EFHC1: variants seen among roughly 807,000 people sequenced by gnomAD.
The protein encoded by EFHC1 is EF-hand domain-containing protein 1.
EFHC1 carries 53 observed loss-of-function variants against 69.9 expected under a neutral mutation model. The ratio of observed to expected loss-of-function variants is 0.76; its 90% CI spans 0.61 to 0.95. EFHC1 has a LOEUF of 0.95. Ranked by LOEUF, EFHC1 falls within the 40% of genes least tolerant of loss-of-function variation. EFHC1 has a pLI of 0.00. For synonymous variants in EFHC1, 256 were observed against 278.4 expected (o/e 0.92, Z 0.80); for missense variants, 739 against 798.7 (o/e 0.93, Z 0.90).
chr6:52,453,447 A>T, intron 4 of EFHC1: 3 of 1,287,148 alleles, frequency 2.3e-6, no homozygotes, highest in Non-Finnish European at 3.0e-6. Context: ...GGAAGAGATC[A>T]CCCTCAGTGC....
At chr6:52,489,015 C>A (rs936046218) in intron 9 of EFHC1, 1 of 152,152 alleles carries the variant, frequency 6.6e-6, no homozygotes, top group African/African-American at 2.4e-5. Context: ...AGATTATTTG[C>A]TGGACTTTTG....
intron 9 of EFHC1, 96 bp downstream of exon 9, chr6:52,479,883 T>G (rs1765637902): frequency 2.6e-6 from 4 of 1,550,532 alleles, no homozygotes; most frequent in Non-Finnish European, 3.5e-6. Context: ...ATTTTCTGAT[T>G]TCTCTCACCA....
At position 52,454,171 on chromosome 6, in the gene EFHC1, A is replaced by G. The variant is rs886061629; in HGVS notation, c.800A>G (p.Tyr267Cys). The change falls in exon 5 of 11, where the codon TAT (tyrosine) becomes TGT (cysteine). Residue 267 changes from tyrosine (Y) to cysteine (C), a missense_variant. By Grantham distance (194) the Tyr-to-Cys change is radical (BLOSUM62 -2). Coordinates refer to ENST00000371068, the MANE Select transcript of EFHC1 (RefSeq NM_018100.4). ...GECRTYIIHY[Y>C]LMDDTVEIRE... ...TGTCGGACCTACATCATTCATTACT[A>G]TCTTATGGATGATACGGTGGAAATT... 1.9e-6 allele frequency: 3 copies of G among 1,614,080 alleles called. No homozygotes were observed. The highest frequency in any genetic ancestry group is 1.1e-5 in the South Asian group (1 of 91,080).
rs1765928670 is a variant in EFHC1 at position 52,492,503 on chromosome 6, G to A, written c.*162G>A. ...AGTCGAAACTAAATTGGATCTAATAGGATCTAAGATTGGTGCCTTATTTAG... is the reference window on the plus strand; with the variant it reads ...AGTCGAAACTAAATTGGATCTAATAAGATCTAAGATTGGTGCCTTATTTAG... On this transcript the variant is annotated 3_prime_UTR_variant, in exon 11 of 11. Coordinates refer to ENST00000371068, the MANE Select transcript of EFHC1 (RefSeq NM_018100.4). 3 of 749,342 alleles carry A rather than the reference G, an allele frequency of 4.0e-6. No individual in the cohort carries two copies. The African/African-American group carries it at 5.2e-5, about 13-fold the overall frequency. The allele number at this position is 749,342 out of a possible 1,614,324, so 46.4% of individuals were successfully genotyped here.
chr6:52,435,405 C>A (rs1764509356), intron 2 of EFHC1, among the ~76,000 whole-genome samples: 1 of 152,120 alleles, frequency 6.6e-6, no homozygotes, highest in African/African-American at 2.4e-5. Context: ...GTATAAATTA[C>A]CCCCTGCAGT....
chr6:52,424,227 A>C, intron 2 of EFHC1, 60 bp downstream of exon 2: 3 of 1,503,548 alleles, frequency 2.0e-6, no homozygotes, highest in Middle Eastern at 2.2e-4. Flanking sequence ...ACTGCTTGCA[A>C]AAAAGTTAAA....
intron 3 of EFHC1, among the ~76,000 whole-genome samples, chr6:52,443,413 G>A (rs1251615017): frequency 2.0e-5 from 3 of 152,102 alleles, no homozygotes; most frequent in Admixed American, 6.6e-5. Context: ...GGGTGTTTAT[G>A]GTTTTAGGTC....
chr6:52,445,247 A>G (rs905090357), intron 3 of EFHC1, among the ~76,000 whole-genome samples: 2 of 151,180 alleles, frequency 1.3e-5, no homozygotes, highest in Non-Finnish European at 2.9e-5. Context: ...TCAAAAAACC[A>G]GCTCCTGGAT....
chr6:52,483,458 C>A (rs1411700867), intron 9 of EFHC1: 1 of 152,238 alleles, frequency 6.6e-6, no homozygotes, highest in Non-Finnish European at 1.5e-5. Flanking sequence ...TGTACAGCAG[C>A]AGCTGAGGTT....
intron 3 of EFHC1, among the ~76,000 whole-genome samples, chr6:52,442,795 C>T (rs2113983446): frequency 6.6e-6 from 1 of 152,216 alleles, no homozygotes; most frequent in South Asian, 2.1e-4. Flanking sequence ...ATTTATAATC[C>T]TTTGGGTATA....
chr6:52,430,233 C>T (rs1468598737), intron 2 of EFHC1: 1 of 152,140 alleles, frequency 6.6e-6, no homozygotes, highest in Non-Finnish European at 1.5e-5. Context: ...CCTAGGACTT[C>T]TTCTAGTACT....
intron 3 of EFHC1, among the ~76,000 whole-genome samples, chr6:52,450,744 T>C (rs967592223): frequency 6.6e-6 from 1 of 152,116 alleles, no homozygotes; most frequent in Non-Finnish European, 1.5e-5. Context: ...CATTGGGTCT[T>C]CCTTTTTTAT....
chr6:52,454,796 A>T (rs1268314768), intron 5 of EFHC1, among the ~76,000 whole-genome samples: 1 of 152,138 alleles, frequency 6.6e-6, no homozygotes, highest in African/African-American at 2.4e-5. Flanking sequence ...ACTGGTTTAA[A>T]ATTACCTAGC....
intron 9 of EFHC1, chr6:52,485,900 A>T (rs1291172171): frequency 6.6e-6 from 1 of 152,192 alleles, no homozygotes; most frequent in Non-Finnish European, 1.5e-5. Flanking sequence ...GGACTACGAC[A>T]TGGGGTAAGA....
intron 1 of EFHC1, chr6:52,420,937 T>C: frequency 1.1e-6 from 1 of 941,418 alleles, no homozygotes; most frequent in Non-Finnish European, 1.3e-6. Flanking sequence ...ACCTTCAACC[T>C]CATTCCCACA....
At position 52,452,807 on chromosome 6, in the gene EFHC1, A is replaced by C. The variant is rs375014511; in HGVS notation, c.693A>C (p.Gln231His). 4 of 1,614,190 alleles carry C rather than the reference A, an allele frequency of 2.5e-6. No individual in the cohort carries two copies. Among genetic ancestry groups the C allele is most frequent in the Non-Finnish European group, 3.4e-6 (4 of 1,180,028 alleles). ...ATGTCACCCCATCAGACTTTGATCA[A>C]CTCAAGCAATTTCTCACCTTTGACA... ...RKYVTPSDFD[Q>H]LKQFLTFDKQ... The change falls in exon 4 of 11, where the codon CAA (glutamine) becomes CAC (histidine). Residue 231 changes from glutamine to histidine, a missense_variant. Physicochemically the swap from Gln to His is conservative, Grantham distance 24 (BLOSUM62 0). Transcript: ENST00000371068.
chr6:52,460,529 C>G (rs1412690763), intron 5 of EFHC1, among the ~76,000 whole-genome samples: 3 of 151,988 alleles, frequency 2.0e-5, no homozygotes, highest in Non-Finnish European at 4.4e-5. Context: ...GTCAATTACA[C>G]CTCAGTAAAG....
At chr6:52,484,199 G>A (rs1765739680) in intron 9 of EFHC1, 1 of 152,132 alleles carries the variant, frequency 6.6e-6, no homozygotes, top group African/African-American at 2.4e-5. Context: ...TCAGATAGAA[G>A]CACCAACTAT....
chr6:52,453,749 G>A (rs1480337336), intron 4 of EFHC1: 2 of 1,242,274 alleles, frequency 1.6e-6, no homozygotes, highest in Admixed American at 2.9e-5. Flanking sequence ...ATATTCACAT[G>A]TACCTTTATT....
Sources: gnomAD v4.1 joint callset for allele counts (sites outside exome capture counted in the v4.1 genomes callset) on GRCh38, gnomAD v4.1.1 for gene constraint, MANE v1.5 for transcripts, NCBI Gene and HGNC (gene_info 2026-07-23, HGNC 2026-07-21) for gene names.